BCL11A: variants seen among roughly 807,000 people sequenced by gnomAD.
The protein encoded by BCL11A is B cell CLL/lymphoma 11A.
Under a neutral mutation model 55.9 loss-of-function variants are expected in BCL11A, and 2 were observed. That is an observed-to-expected ratio of 0.04 (90% CI 0.01 to 0.11). The LOEUF (loss-of-function observed/expected upper bound fraction) is 0.11, where lower values mean the gene tolerates loss of function less well. Ranked by LOEUF, BCL11A falls within the 10% of genes least tolerant of loss-of-function variation. The pLI is 1.00. For missense variants in BCL11A, 817 were observed against 1,137.1 expected (o/e 0.72, Z 4.05); for synonymous variants, 465 against 473.4 (o/e 0.98, Z 0.23).
At chr2:60,452,867 C>A, downstream of BCL11A, 1 of 518,560 alleles carries the variant, frequency 1.9e-6, no homozygotes, top group Non-Finnish European at 3.5e-6. Context: ...TCTTCCCATG[C>A]CTCCCTCCCT....
At chr2:60,518,487 T>A (rs1282914983) in intron 2 of BCL11A, among the ~76,000 whole-genome samples, 1 of 152,062 alleles carries the variant, frequency 6.6e-6, no homozygotes, top group African/African-American at 2.4e-5. Context: ...TAAATATGAA[T>A]AAAGAGTGAG....
At chr2:60,553,001 TG>T (rs2104800256) in intron 1 of BCL11A, among the ~76,000 whole-genome samples, 1 of 151,568 alleles carries the variant, frequency 6.6e-6, no homozygotes, top group African/African-American at 2.4e-5. Flanking sequence ...AATTAAAAGG[TG>T]CGTGCTGTCT....
chr2:60,505,725 C>A (rs1248947517), intron 2 of BCL11A, among the ~76,000 whole-genome samples: 1 of 152,228 alleles, frequency 6.6e-6, no homozygotes, highest in African/African-American at 2.4e-5. Context: ...CACAGCTGGC[C>A]ACTCTGTGAC....
At chr2:60,529,989 G>C (rs1669375201) in intron 2 of BCL11A, among the ~76,000 whole-genome samples, 1 of 152,164 alleles carries the variant, frequency 6.6e-6, no homozygotes, top group African/African-American at 2.4e-5. Context: ...TGTGGCAGGA[G>C]GGCAAAGACT....
chr2:60,471,755 G>C (rs1336975335), intron 2 of BCL11A, among the ~76,000 whole-genome samples: 1 of 152,016 alleles, frequency 6.6e-6, no homozygotes, highest in East Asian at 1.9e-4. Context: ...TTCTTTGTTA[G>C]TGCTCTTAGG....
rs1026100637 is a variant in BCL11A at position 60,460,191 on chromosome 2, A to AAAAAAG, written c.*207_*212dup. On this transcript the variant is annotated 3_prime_UTR_variant, in exon 4 of 4. Transcript: ENST00000642384. ...AGGAAAAAAAAAAAAAAGGAAAAAG[A>AAAAAAG]AAAAAGAAAAAGAAAAAGAAAAAAA... The AAAAAAG allele has an allele frequency of 4.6e-6, 6 of 1,302,232 alleles. No homozygotes were observed. The highest frequency in any genetic ancestry group is 2.5e-5 in the South Asian group (1 of 39,410). 80.7% of individuals were successfully genotyped at this position (1,302,232 alleles called of 1,614,324 possible).
intron 2 of BCL11A, among the ~76,000 whole-genome samples, chr2:60,485,600 T>A (rs1249276594): frequency 6.6e-6 from 1 of 152,090 alleles, no homozygotes; most frequent in Admixed American, 6.5e-5. Context: ...AGAAAAACCC[T>A]CCATCCAACG....
chr2:60,543,912 T>G (rs1324794664), intron 2 of BCL11A: 1 of 152,254 alleles, frequency 6.6e-6, no homozygotes, highest in Admixed American at 6.5e-5. Context: ...TTCTCTAGGC[T>G]CTGCTATTAT....
chr2:60,532,824 C>T (rs922713018), intron 2 of BCL11A: 2 of 152,080 alleles, frequency 1.3e-5, no homozygotes, highest in Admixed American at 1.3e-4. Flanking sequence ...CTGTAAATTC[C>T]CTGAAAATAC....
chr2:60,550,270 G>C (rs1052212822), intron 1 of BCL11A, among the ~76,000 whole-genome samples: 2 of 152,226 alleles, frequency 1.3e-5, no homozygotes, highest in Admixed American at 1.3e-4. Flanking sequence ...GCTCGCGCAC[G>C]GGGGTGTCGG....
chr2:60,483,166 G>A (rs990218310), intron 2 of BCL11A, among the ~76,000 whole-genome samples: 1 of 152,216 alleles, frequency 6.6e-6, no homozygotes, highest in Non-Finnish European at 1.5e-5. Context: ...ACACAGGCGA[G>A]AGAAGTGTTG....
chr2:60,472,583 G>A (rs1256378339), intron 2 of BCL11A, among the ~76,000 whole-genome samples: 2 of 152,132 alleles, frequency 1.3e-5, no homozygotes, highest in Non-Finnish European at 2.9e-5. Context: ...GCAGCAAACT[G>A]GGAATGGCTT....
At chr2:60,484,572 T>C (rs541880520) in intron 2 of BCL11A, 33 of 152,178 alleles carry the variant, frequency 2.2e-4, no homozygotes, top group African/African-American at 7.7e-4. Flanking sequence ...GCCTTTTAAA[T>C]AATATTTCCT....
chr2:60,546,412 G>A lies in BCL11A; in HGVS notation c.56-112C>T. 1.1e-6 allele frequency: 1 copy of A among 908,386 alleles called. No individual in the cohort carries two copies. Among genetic ancestry groups the A allele is most frequent in the African/African-American group, 1.7e-5 (1 of 59,572 alleles). 56.3% of individuals were successfully genotyped at this position (908,386 alleles called of 1,614,324 possible). A position where few individuals can be genotyped will look rare whatever the true frequency, so the allele number is the denominator to read the frequency against. ...ACCACATCATGTAAAGTGTTTCTAGGCTTCTCTATATAATACCCAGAAAAT... is the reference window on the plus strand; with the variant it reads ...ACCACATCATGTAAAGTGTTTCTAGACTTCTCTATATAATACCCAGAAAAT... On this transcript the variant is annotated intron_variant, in intron 1 of 3. Coordinates refer to ENST00000642384, the MANE Select transcript of BCL11A (RefSeq NM_022893.4). This position sits in a 1 kb window ranked among gnomAD's most constrained non-coding sequence, Gnocchi z 4.1.
At chr2:60,550,993 G>A in intron 1 of BCL11A, 2 of 393,368 alleles carry the variant, frequency 5.1e-6, no homozygotes, top group Non-Finnish European at 4.5e-6. Context: ...AGGGAGGGCC[G>A]CGCAACGTGC....
intron 2 of BCL11A, among the ~76,000 whole-genome samples, chr2:60,531,674 G>C (rs1043546307): frequency 6.6e-6 from 1 of 152,116 alleles, no homozygotes; most frequent in Admixed American, 6.5e-5. Context: ...GCGTGTTTTG[G>C]CAGTGCCCTG....
intron 2 of BCL11A, chr2:60,534,005 A>G (rs1476354254): frequency 6.6e-6 from 1 of 152,244 alleles, no homozygotes; most frequent in Non-Finnish European, 1.5e-5. Flanking sequence ...TTTAATCAGA[A>G]TATCAGTTAC....
At position 60,451,951 on chromosome 2, in the gene BCL11A, A is replaced by C. The variant is rs76532274; in HGVS notation, c.*624T>G. On this transcript the variant is annotated 3_prime_UTR_variant, in exon 5 of 5. Coordinates refer to the BCL11A transcript ENST00000356842. ...ATGATATTGCTATGATTTATTCCCAAGTTTTGCATTTTGATTCTCCTTGAA... is the reference window on the plus strand; with the variant it reads ...ATGATATTGCTATGATTTATTCCCACGTTTTGCATTTTGATTCTCCTTGAA... 536 of 229,058 alleles carry C rather than the reference A, an allele frequency of 2.3e-3. 6 individuals are homozygous for C. The East Asian group carries it at 0.028, about 12-fold the overall frequency. 14.2% of individuals were successfully genotyped at this position (229,058 alleles called of 1,614,324 possible).
At position 60,540,139 on chromosome 2, in the gene BCL11A, T is replaced by G. The variant is rs568913585; in HGVS notation, c.385+5832A>C. Among the ~76,000 whole-genome samples the G allele has an allele frequency of 1.5e-4, 23 of 152,348 alleles. No individual in the cohort carries two copies. The South Asian group carries it at 2.1e-3, about 14-fold the overall frequency. On this transcript the variant is annotated intron_variant, in intron 2 of 3. Coordinates refer to ENST00000642384, the MANE Select transcript of BCL11A (RefSeq NM_022893.4). ...AGTGGGCTCTAAGTTAGAATCTTTT[T>G]TTTTAATCCTTGAAATAACAACACT...
Sources: gnomAD v4.1 joint callset for allele counts (sites outside exome capture counted in the v4.1 genomes callset) on GRCh38, gnomAD v4.1.1 for gene constraint, Gnocchi (gnomAD v3.1) non-coding constraint, MANE v1.5 for transcripts, NCBI Gene and HGNC (gene_info 2026-07-23, HGNC 2026-07-21) for gene names.